The following AHCY variants were observed in gnomAD, a reference collection of about 807,000 sequenced individuals.
AHCY encodes the protein adenosylhomocysteinase.
Under a neutral mutation model 45.4 loss-of-function variants are expected in AHCY, and 24 were observed. The ratio of observed to expected loss-of-function variants is 0.53; its 90% CI spans 0.38 to 0.74. The LOEUF (loss-of-function observed/expected upper bound fraction) is 0.74. AHCY is among the 30% of genes least tolerant of loss of function. The probability of loss-of-function intolerance (pLI) is 0.00; values close to 1 mark genes in which losing one functional copy is unlikely to be tolerated. For synonymous variants in AHCY, 245 were observed against 235.1 expected (o/e 1.04, Z -0.39); for missense variants, 449 against 594.1 (o/e 0.76, Z 2.54).
chr20:34,311,068 C>T (rs1027208611), intron 1 of AHCY, among the ~76,000 whole-genome samples: 2 of 150,796 alleles, frequency 1.3e-5, no homozygotes, highest in African/African-American at 4.9e-5. Context: ...TGCAGTGAGC[C>T]GAGATTGTGC....
At chr20:34,286,834 CAAAAA>C (rs71194603) in intron 8 of AHCY, among the ~76,000 whole-genome samples, 1 of 53,734 alleles carries the variant, frequency 1.9e-5, no homozygotes. Context: ...AACTCCGTCT[CAAAAA>C]AAAAAAAAAA....
At chr20:34,256,882 G>T in the AHCY span, among the ~76,000 whole-genome samples, 17,686 of 151,864 alleles carry the variant, frequency 0.12, 3,519 homozygotes, top group African/African-American at 0.4. Flanking sequence ...CTGGGGTCAG[G>T]TGATTCTCCC....
chr20:34,242,458 C>T, the AHCY span, among the ~76,000 whole-genome samples: 6 of 152,164 alleles, frequency 3.9e-5, no homozygotes, highest in Admixed American at 1.3e-4. Context: ...GTCTCAAACT[C>T]CTGGCCTCAG....
chr20:34,304,006 C>A (rs566792089), upstream of AHCY, among the ~76,000 whole-genome samples: 49 of 152,234 alleles, frequency 3.2e-4, no homozygotes, highest in African/African-American at 1.1e-3. Flanking sequence ...CTCAAAAAAA[C>A]CAAAACAAAG....
chr20:34,299,667 A>G (rs1295749715), intron 1 of AHCY, among the ~76,000 whole-genome samples: 2 of 152,140 alleles, frequency 1.3e-5, no homozygotes, highest in Non-Finnish European at 2.9e-5. Flanking sequence ...AGTTGGATCT[A>G]TTATGTGTCA....
the AHCY span, among the ~76,000 whole-genome samples, chr20:34,261,094 G>A: frequency 3.3e-5 from 5 of 152,188 alleles, no homozygotes; most frequent in Admixed American, 6.5e-5. Context: ...TAACTAGCAC[G>A]GATCACACAG....
chr20:34,246,803 C>T, the AHCY span, among the ~76,000 whole-genome samples: 1 of 152,110 alleles, frequency 6.6e-6, no homozygotes, highest in Non-Finnish European at 1.5e-5. Flanking sequence ...TTGAAGCTCC[C>T]TTTACTGATT....
chr20:34,302,183 TAG>T (rs977273992), intron 1 of AHCY, among the ~76,000 whole-genome samples: 3 of 152,008 alleles, frequency 2.0e-5, no homozygotes, highest in African/African-American at 7.3e-5. Flanking sequence ...GTATTTTTGG[TAG>T]AGATAGCGTT....
At chr20:34,302,491 G>T in intron 1 of AHCY, 1 of 621,498 alleles carries the variant, frequency 1.6e-6, no homozygotes, top group Non-Finnish European at 2.0e-6. Context: ...AGTTACCTCT[G>T]CCTCAGGATT....
At chr20:34,235,208 G>T in the AHCY span, among the ~76,000 whole-genome samples, 1 of 152,198 alleles carries the variant, frequency 6.6e-6, no homozygotes, top group Non-Finnish European at 1.5e-5. Context: ...TTGAGAGGCC[G>T]AGGTGGGCAG....
chr20:34,237,580 A>T, the AHCY span, among the ~76,000 whole-genome samples: 1 of 152,176 alleles, frequency 6.6e-6, no homozygotes, highest in African/African-American at 2.4e-5. Context: ...TACATTTAAG[A>T]TCATATTATC....
At chr20:34,233,019 CCTT>C in the AHCY span, among the ~76,000 whole-genome samples, 2 of 152,164 alleles carry the variant, frequency 1.3e-5, no homozygotes, top group Non-Finnish European at 1.5e-5. Flanking sequence ...TCGTTGTTCT[CCTT>C]CCACAGCTAC....
In AHCY at chr20:34,291,484, A is replaced by T. The variant is rs746652321; in HGVS notation, c.493T>A (p.Tyr165Asn). The change falls in exon 5 of 10, where the codon TAC (tyrosine) becomes AAC (asparagine). Residue 165 changes from tyrosine to asparagine, a missense_variant. Physicochemically the swap from Tyr to Asn is moderately radical, Grantham distance 143. Coordinates refer to ENST00000217426, the MANE Select transcript of AHCY (RefSeq NM_000687.4). ...AGGATCCCATTGGCCATCATCTTGTAGAGGTTGTGGACCCCAGTCGTGGTC... is the reference window on the plus strand; with the variant it reads ...AGGATCCCATTGGCCATCATCTTGTTGAGGTTGTGGACCCCAGTCGTGGTC... ...EETTTGVHNL[Y>N]KMMANGILKV... The T allele has an allele frequency of 6.2e-7, 1 of 1,614,196 alleles. No individual in the cohort carries two copies. The highest frequency in any genetic ancestry group is 1.7e-5 in the Admixed American group (1 of 60,020).
At chr20:34,238,978 G>A in the AHCY span, among the ~76,000 whole-genome samples, 1 of 152,058 alleles carries the variant, frequency 6.6e-6, no homozygotes, top group Non-Finnish European at 1.5e-5. Context: ...GTTTTGGTTA[G>A]GTAAGGAAAC....
the AHCY span, among the ~76,000 whole-genome samples, chr20:34,264,938 G>A: frequency 2.1e-4 from 32 of 151,818 alleles, no homozygotes; most frequent in Admixed American, 4.6e-4. Context: ...TAGGACTACG[G>A]GTGTGCACCA....
intron 4 of AHCY, among the ~76,000 whole-genome samples, 167 bp from the exon 5 acceptor site, chr20:34,291,698 G>T (rs923022292): frequency 6.6e-6 from 1 of 151,984 alleles, no homozygotes; most frequent in Non-Finnish European, 1.5e-5. Context: ...AGTCCCCAAC[G>T]CCCTCCTACA....
chr20:34,269,057 C>A, the AHCY span: 1 of 1,599,872 alleles, frequency 6.3e-7, no homozygotes, highest in East Asian at 2.3e-5. Context: ...CGTGGCCACC[C>A]GCAACAGCTG....
chr20:34,294,221 C>A, intron 2 of AHCY, 65 bp from the exon 3 acceptor site: 1 of 1,475,870 alleles, frequency 6.8e-7, no homozygotes, highest in Non-Finnish European at 9.4e-7. Context: ...GGACGCTGGG[C>A]GAGGAAAAGG....
Position 34,280,848 on chromosome 20 carries a change from T to G in AHCY, c.*186A>C. The G allele has an allele frequency of 1.1e-6, 1 of 870,600 alleles. No homozygotes were observed. Among genetic ancestry groups the G allele is most frequent in the South Asian group, 1.6e-5 (1 of 61,268 alleles). The allele number at this position is 870,600 out of a possible 1,614,324, so 53.9% of individuals were successfully genotyped here. The stretch of plus-strand genomic sequence containing the variant: ...ACCGGGGCTTGAAGAGGGTACTCTG[T>G]TCCCGCTGCCACATTTGGAACAGTA... On this transcript the variant is annotated 3_prime_UTR_variant, in exon 10 of 10. Coordinates refer to ENST00000217426, the MANE Select transcript of AHCY (RefSeq NM_000687.4).
Sources: allele counts gnomAD v4.1 joint callset (sites outside exome capture counted in the v4.1 genomes callset), GRCh38; gene constraint gnomAD v4.1.1; transcripts MANE v1.5; gene names NCBI Gene and HGNC (gene_info 2026-07-23, HGNC 2026-07-21).